Variants in MEI4 observed in about 807,000 individuals in gnomAD.
The protein encoded by MEI4 is meiotic double-stranded break formation protein 4, also known as meiosis-specific protein MEI4.
Under a neutral mutation model 31.4 loss-of-function variants are expected in MEI4, and 27 were observed. The ratio of observed to expected loss-of-function variants is 0.86; its 90% CI spans 0.63 to 1.19. MEI4 has a LOEUF of 1.19. MEI4 is among the 50% of genes most tolerant of loss of function. MEI4 has a pLI of 0.00. For missense variants in MEI4, 329 were observed against 398.9 expected (o/e 0.82, Z 1.49); for synonymous variants, 122 against 145.4 (o/e 0.84, Z 1.16).
At position 77,699,402 on chromosome 6, in the gene MEI4, C is replaced by T. The variant is rs9448174; in HGVS notation, c.232+8499C>T. 7.0e-3 allele frequency among the ~76,000 whole-genome samples: 1,060 copies of T among 151,836 alleles called. 13 individuals carry two copies. Among genetic ancestry groups the T allele is most frequent in the African/African-American group, 0.024 (998 of 41,416 alleles). On this transcript the variant is annotated intron_variant, in intron 2 of 4. Coordinates refer to ENST00000684080, the MANE Select transcript of MEI4 (RefSeq NM_001322247.2). ...AGAGATGGGGTTTCACCGTTTTAGC[C>T]GGGATGGTCTCGATCTCCTGACCTC... is the stretch of plus-strand genomic sequence containing the variant.
intron 2 of MEI4, among the ~76,000 whole-genome samples, chr6:77,709,988 A>C (rs1487522922): frequency 2.0e-5 from 3 of 152,142 alleles, no homozygotes; most frequent in Non-Finnish European, 4.4e-5. Context: ...GTGGCTGTGC[A>C]GCTCTCTGTT....
At chr6:77,650,286 T>G (rs956540049), upstream of MEI4, among the ~76,000 whole-genome samples, 9 of 152,316 alleles carry the variant, frequency 5.9e-5, 1 homozygote, top group South Asian at 1.2e-3. Context: ...AGTTATTTTC[T>G]CTGGACTGGT....
At position 77,923,257 on chromosome 6, in the gene MEI4, C is replaced by A. The variant is rs1766753660; in HGVS notation, c.1069C>A (p.Leu357Ile). Reference protein sequence around the residue: ...LQKHDETIFQLSDAFPLFTFY... With the variant: ...LQKHDETIFQISDAFPLFTFY... ...GAAGCATGATGAAACTATTTTCCAA[C>A]TTTCTGATGCATTTCCTTTGTTTAC... The change falls in exon 5 of 5, where the codon CTT becomes ATT. Residue 357 changes from leucine (L) to isoleucine (I), a missense_variant. Physicochemically the swap from Leu to Ile is conservative, Grantham distance 5. Coordinates refer to ENST00000684080, the MANE Select transcript of MEI4 (RefSeq NM_001322247.2). 4 of 1,230,408 alleles carry A rather than the reference C, an allele frequency of 3.3e-6. No homozygotes were observed. Among genetic ancestry groups the A allele is most frequent in the Non-Finnish European group, 4.1e-6 (4 of 986,792 alleles). The allele number at this position is 1,230,408 out of a possible 1,614,324, so 76.2% of individuals were successfully genotyped here.
chr6:77,844,632 G>A (rs1023873424), intron 4 of MEI4, among the ~76,000 whole-genome samples: 11 of 152,094 alleles, frequency 7.2e-5, no homozygotes, highest in African/African-American at 2.7e-4. Flanking sequence ...AATTTTATAA[G>A]TGTTTTTAAT....
intron 4 of MEI4, among the ~76,000 whole-genome samples, chr6:77,911,098 A>G (rs913038529): frequency 1.3e-5 from 2 of 151,666 alleles, no homozygotes; most frequent in Non-Finnish European, 2.9e-5. Context: ...TCCTTTGCCC[A>G]CTTATTACTT....
chr6:77,872,863 G>T (rs1438604825), intron 4 of MEI4, among the ~76,000 whole-genome samples: 1 of 150,970 alleles, frequency 6.6e-6, no homozygotes, highest in African/African-American at 2.4e-5. Flanking sequence ...AGTTTACTGA[G>T]AATGATGATT....
intron 4 of MEI4, among the ~76,000 whole-genome samples, chr6:77,910,550 A>G (rs1766409861): frequency 6.6e-6 from 1 of 152,190 alleles, no homozygotes; most frequent in Non-Finnish European, 1.5e-5. Context: ...CAATGAAATA[A>G]AAGAGGATAC....
chr6:77,816,024 GAACA>G (rs1458465281), intron 3 of MEI4, among the ~76,000 whole-genome samples: 1 of 152,060 alleles, frequency 6.6e-6, no homozygotes, highest in Non-Finnish European at 1.5e-5. Context: ...AAAAATTTCA[GAACA>G]AACACTCATG....
At chr6:77,740,755 T>C (rs1767378152) in intron 2 of MEI4, among the ~76,000 whole-genome samples, 1 of 151,962 alleles carries the variant, frequency 6.6e-6, no homozygotes, top group African/African-American at 2.4e-5. Context: ...TCAACCTTTA[T>C]CTGTATAGAC....
At chr6:77,788,741 A>G (rs1331998773) in intron 3 of MEI4, among the ~76,000 whole-genome samples, 2 of 152,188 alleles carry the variant, frequency 1.3e-5, no homozygotes, top group Non-Finnish European at 2.9e-5. Flanking sequence ...CCACTGCTCA[A>G]TGAAATAAAA....
intron 2 of MEI4, among the ~76,000 whole-genome samples, chr6:77,734,259 T>A (rs1222939553): frequency 1.3e-5 from 2 of 151,854 alleles, no homozygotes; most frequent in East Asian, 1.9e-4. Flanking sequence ...TGTGTGGGAG[T>A]CTAAGTCTCT....
chr6:77,799,933 C>T (rs1396653784), intron 3 of MEI4, among the ~76,000 whole-genome samples: 1 of 152,124 alleles, frequency 6.6e-6, no homozygotes. Context: ...TAGTGTGATG[C>T]CTCCAGCTCT....
chr6:77,655,308 A>G (rs894278327), intron 1 of MEI4, among the ~76,000 whole-genome samples: 2 of 152,076 alleles, frequency 1.3e-5, no homozygotes, highest in African/African-American at 4.8e-5. Context: ...TTTATCATTG[A>G]TGGGCATTTG....
chr6:77,878,615 G>A (rs1234733202), intron 4 of MEI4, among the ~76,000 whole-genome samples: 1 of 148,568 alleles, frequency 6.7e-6, no homozygotes, highest in African/African-American at 2.5e-5. Flanking sequence ...CAAATGACCT[G>A]TAGATATTTG....
At chr6:77,918,859 G>A (rs1766630945) in intron 4 of MEI4, among the ~76,000 whole-genome samples, 1 of 152,058 alleles carries the variant, frequency 6.6e-6, no homozygotes, top group Admixed American at 6.6e-5. Flanking sequence ...TTTTCAAAGA[G>A]AATGCTTCCA....
intron 2 of MEI4, among the ~76,000 whole-genome samples, chr6:77,712,396 A>T (rs527562094): frequency 3.3e-5 from 5 of 152,208 alleles, no homozygotes; most frequent in South Asian, 2.1e-4. Context: ...ACTAATGAGG[A>T]TTTTTATATT....
intron 2 of MEI4, among the ~76,000 whole-genome samples, chr6:77,754,059 A>G (rs1767851405): frequency 6.6e-6 from 1 of 151,976 alleles, no homozygotes; most frequent in Admixed American, 6.6e-5. Flanking sequence ...ATGAAAGCAC[A>G]TGGACACAGG....
In MEI4 at chr6:77,743,983, A is replaced by G. The variant is rs529265637; in HGVS notation, c.233-17147A>G. Among the ~76,000 whole-genome samples, 212 of 152,316 alleles carry G rather than the reference A, an allele frequency of 1.4e-3. 1 individual carries two copies. The highest frequency in any genetic ancestry group is 4.5e-3 in the African/African-American group (186 of 41,564). The stretch of plus-strand genomic sequence containing the variant: ...AACCCATCTGTACATCACCATCATT[A>G]AAGACCAAAAGTAGATAAAACCACA... On this transcript the variant is annotated intron_variant, in intron 2 of 4. Transcript: ENST00000684080.
chr6:77,828,862 T>G lies in MEI4; in HGVS notation c.769-69T>G, dbSNP rs554705225. 1,428 of 1,149,166 alleles carry G rather than the reference T, an allele frequency of 1.2e-3. 2 individuals carry two copies. The highest frequency in any genetic ancestry group is 1.9e-3 in the Admixed American group (46 of 23,630). The allele number at this position is 1,149,166 out of a possible 1,614,324, so 71.2% of individuals were successfully genotyped here. A position where few individuals can be genotyped will look rare whatever the true frequency, so the allele number is the denominator to read the frequency against. The stretch of plus-strand genomic sequence containing the variant: ...TTCCTCACAGCATTTAGCTCAGTAG[T>G]AAGGTCTTAGAAAATACATTTTGAT... On this transcript the variant is annotated intron_variant, in intron 3 of 4. Transcript: ENST00000684080.
Sources: allele counts gnomAD v4.1 joint callset (sites outside exome capture counted in the v4.1 genomes callset), GRCh38; gene constraint gnomAD v4.1.1; transcripts MANE v1.5; gene names NCBI Gene and HGNC (gene_info 2026-07-23, HGNC 2026-07-21).